The following PTPRK variants were observed in gnomAD, a reference collection of about 807,000 sequenced individuals.
PTPRK encodes protein tyrosine phosphatase receptor type K, also known as receptor-type tyrosine-protein phosphatase kappa.
In PTPRK, 75 loss-of-function variants were observed where a neutral mutation model predicts 178.0. The observed-to-expected ratio is 0.42, with a 90% CI of 0.35 to 0.51. The LOEUF is 0.51. Among genes scored for constraint, PTPRK ranks in the 20% least tolerant of loss-of-function variants. PTPRK has a pLI of 0.02. For missense variants in PTPRK, 1,441 were observed against 1,797.8 expected, an observed-to-expected ratio of 0.80 and a Z score of 3.59; for synonymous variants, 637 against 620.6, an observed-to-expected ratio of 1.03 and a Z score of -0.39.
At position 128,322,190 on chromosome 6, in the gene PTPRK, T is replaced by C; in HGVS notation, c.344A>G (p.Gln115Arg). 1.2e-6 allele frequency: 2 copies of C among 1,613,940 alleles called. No homozygotes were observed. The highest frequency in any genetic ancestry group is 1.7e-6 in the Non-Finnish European group (2 of 1,179,888). The change falls in exon 3 of 30, where the codon CAG becomes CGG. Residue 115 changes from glutamine (Q) to arginine (R), a missense_variant. This residue lies in a region of PTPRK where 158 missense variants were observed against 188.0 expected (regional missense o/e 0.84). Coordinates refer to ENST00000368226, the MANE Select transcript of PTPRK (RefSeq NM_002844.4). ...CAAAGTGCCAGGATTCAGTCCTTTC[T>C]GGCTATATAATAGGTAACTGAAATC... is the stretch of plus-strand genomic sequence containing the variant. ...CIDFSYLLYS[Q>R]KGLNPGTLNI...
intron 3 of PTPRK, among the ~76,000 whole-genome samples, chr6:128,294,845 A>G (rs937949749): frequency 6.6e-6 from 1 of 152,090 alleles, no homozygotes; most frequent in African/African-American, 2.4e-5. Context: ...GTTTTATTAA[A>G]TAACTTATGA....
At chr6:128,486,017 T>A (rs1486768911) in intron 1 of PTPRK, among the ~76,000 whole-genome samples, 1 of 152,150 alleles carries the variant, frequency 6.6e-6, no homozygotes, top group Non-Finnish European at 1.5e-5. Context: ...ACTGGCAGAG[T>A]TTACATTTGT....
At chr6:128,106,020 A>T (rs903188499) in intron 7 of PTPRK, among the ~76,000 whole-genome samples, 1 of 152,242 alleles carries the variant, frequency 6.6e-6, no homozygotes, top group East Asian at 1.9e-4. Context: ...CTTAGTGAAC[A>T]GGCTGTGGAA....
At chr6:128,433,216 T>C (rs1845063413) in intron 1 of PTPRK, among the ~76,000 whole-genome samples, 1 of 152,168 alleles carries the variant, frequency 6.6e-6, no homozygotes, top group African/African-American at 2.4e-5. Flanking sequence ...ATTCCTTCTA[T>C]CTAACTGTAT....
chr6:128,191,208 T>C (rs911998682), intron 6 of PTPRK, among the ~76,000 whole-genome samples: 1 of 152,200 alleles, frequency 6.6e-6, no homozygotes, highest in Non-Finnish European at 1.5e-5. Context: ...TTATACTATA[T>C]TTTTATTACT....
At chr6:128,370,747 A>T (rs183930790) in intron 2 of PTPRK, among the ~76,000 whole-genome samples, 278 of 152,270 alleles carry the variant, frequency 1.8e-3, no homozygotes, top group Middle Eastern at 0.014. Flanking sequence ...TCATCTCACA[A>T]AAAAGCACGC....
chr6:128,139,479 A>C (rs1316536937), intron 7 of PTPRK, among the ~76,000 whole-genome samples: 4 of 152,068 alleles, frequency 2.6e-5, no homozygotes, highest in Admixed American at 1.3e-4. Context: ...TACCCTACTG[A>C]GAACCTAGAT....
At chr6:128,159,726 G>A (rs957750085) in intron 7 of PTPRK, among the ~76,000 whole-genome samples, 1 of 151,678 alleles carries the variant, frequency 6.6e-6, no homozygotes, top group Non-Finnish European at 1.5e-5. Flanking sequence ...CTAAAAGTCT[G>A]CTTGTGCTGG....
At chr6:128,098,162 T>A (rs72983945) in intron 7 of PTPRK, among the ~76,000 whole-genome samples, 11,863 of 152,260 alleles carry the variant, frequency 0.078, 640 homozygotes, top group Non-Finnish European at 0.11. Context: ...AGTTTCAATA[T>A]GTTTCAAGCT....
intron 3 of PTPRK, among the ~76,000 whole-genome samples, chr6:128,305,050 T>C (rs989582527): frequency 6.6e-6 from 1 of 152,198 alleles, no homozygotes; most frequent in Non-Finnish European, 1.5e-5. Flanking sequence ...TTTATTCTAC[T>C]CAAGTATTCT....
intron 3 of PTPRK, among the ~76,000 whole-genome samples, chr6:128,317,672 C>G (rs1179694485): frequency 6.6e-6 from 1 of 152,064 alleles, no homozygotes; most frequent in East Asian, 1.9e-4. Flanking sequence ...ACCCAGGCTC[C>G]TTGAATGCCT....
chr6:128,339,603 G>A (rs988360180), intron 2 of PTPRK, among the ~76,000 whole-genome samples: 2 of 152,094 alleles, frequency 1.3e-5, no homozygotes, highest in Non-Finnish European at 2.9e-5. Flanking sequence ...AACTAATTGT[G>A]ATTGAAACAC....
chr6:128,353,299 C>T (rs1219706024), intron 2 of PTPRK, among the ~76,000 whole-genome samples: 1 of 152,114 alleles, frequency 6.6e-6, no homozygotes, highest in Non-Finnish European at 1.5e-5. Context: ...TGAAAAACAG[C>T]TTGACAGTAT....
At chr6:128,022,329 G>C (rs1773645444) in intron 13 of PTPRK, among the ~76,000 whole-genome samples, 1 of 152,102 alleles carries the variant, frequency 6.6e-6, no homozygotes, top group African/African-American at 2.4e-5. Context: ...TGGAAGGTCG[G>C]GGGACAGAGG....
chr6:128,380,051 G>A lies in PTPRK; in HGVS notation c.223+17515C>T, dbSNP rs1308973536. Among the ~76,000 whole-genome samples, 3 of 152,056 alleles carry A rather than the reference G, an allele frequency of 2.0e-5. No homozygotes were observed. The South Asian group carries it at 6.2e-4, about 32-fold the overall frequency. On this transcript the variant is annotated intron_variant, in intron 2 of 29. Coordinates refer to ENST00000368226, the MANE Select transcript of PTPRK (RefSeq NM_002844.4). ...AAGTATATGGAAGAAAAAGGATGAA[G>A]GGGATTTTCCAAACCCTGCTCAGCC...
chr6:127,991,000 T>C (rs1237318644), intron 20 of PTPRK, 115 bp from the exon 21 acceptor site: 4 of 689,084 alleles, frequency 5.8e-6, no homozygotes, highest in Non-Finnish European at 9.8e-6. Flanking sequence ...TAAAAATCTA[T>C]AAATGAGAAA....
intron 2 of PTPRK, among the ~76,000 whole-genome samples, chr6:128,334,818 C>T (rs567747815): frequency 1.3e-5 from 2 of 152,236 alleles, no homozygotes; most frequent in African/African-American, 2.4e-5. Context: ...AGGCCAAGCG[C>T]GGTGGCTCAC....
At chr6:128,430,545 T>C (rs913466227) in intron 1 of PTPRK, among the ~76,000 whole-genome samples, 1 of 152,178 alleles carries the variant, frequency 6.6e-6, no homozygotes, top group African/African-American at 2.4e-5. Context: ...CCTTTAATAA[T>C]AGCAGAAAAG....
In PTPRK at chr6:128,288,303, A is replaced by G. The variant is rs189750702; in HGVS notation, c.495+33736T>C. On this transcript the variant is annotated intron_variant, in intron 3 of 29. Coordinates refer to ENST00000368226, the MANE Select transcript of PTPRK (RefSeq NM_002844.4). ...TTCAGCACATTAAATACTAAATTTT[A>G]TATCAGTTAATTCACAGATTTTTTT... 2.6e-4 allele frequency among the ~76,000 whole-genome samples: 39 copies of G among 152,304 alleles called. No homozygotes were observed. In the East Asian group the frequency reaches 6.9e-3, roughly 27 times the overall value.
Sources: allele counts gnomAD v4.1 joint callset (sites outside exome capture counted in the v4.1 genomes callset), GRCh38; gene constraint gnomAD v4.1.1; regional missense constraint gnomAD v4.1.1; transcripts MANE v1.5; gene names NCBI Gene and HGNC (gene_info 2026-07-23, HGNC 2026-07-21).